The following SMAD4 variants were observed in gnomAD, a reference collection of about 807,000 sequenced individuals.
SMAD4 encodes the protein MAD homolog 4.
Under a neutral mutation model 63.2 loss-of-function variants are expected in SMAD4, and 7 were observed. The observed-to-expected ratio is 0.11, with a 90% CI of 0.06 to 0.21. The LOEUF is 0.21. Ranked by LOEUF, SMAD4 falls within the 10% of genes least tolerant of loss-of-function variation. The pLI, the probability that SMAD4 is intolerant of heterozygous loss-of-function variation, is 1.00. For synonymous variants in SMAD4, 215 were observed against 235.4 expected, an observed-to-expected ratio of 0.91 and a Z score of 0.79; for missense variants, 312 against 693.8, an observed-to-expected ratio of 0.45 and a Z score of 6.18.
At chr18:51,050,983 A>G (rs1474274026) in intron 4 of SMAD4, 1 of 151,044 alleles carries the variant, frequency 6.6e-6, no homozygotes, top group Non-Finnish European at 1.4e-5. Flanking sequence ...ATTGGTGAAA[A>G]CTCTGCTTCT....
At chr18:51,042,724 C>T (rs1417757436) in intron 1 of SMAD4, among the ~76,000 whole-genome samples, 1 of 151,322 alleles carries the variant, frequency 6.6e-6, no homozygotes, top group African/African-American at 2.4e-5. Flanking sequence ...ATTTTTGAGA[C>T]CAAATCTTAC....
chr18:51,066,802 C>T, intron 9 of SMAD4: 1 of 522,406 alleles, frequency 1.9e-6, no homozygotes, highest in South Asian at 2.2e-5. Context: ...ATACTACATG[C>T]TCCTGACACA....
At chr18:51,051,344 A>AGTTG in intron 4 of SMAD4, 1 of 456,124 alleles carries the variant, frequency 2.2e-6, no homozygotes, top group South Asian at 1.5e-5. Flanking sequence ...TCAGTGTCTT[A>AGTTG]TTTCCTCAGA....
chr18:51,069,806 G>GC (rs1910269343), intron 10 of SMAD4, among the ~76,000 whole-genome samples: 1 of 152,120 alleles, frequency 6.6e-6, no homozygotes, highest in African/African-American at 2.4e-5. Flanking sequence ...CCCACTTGTA[G>GC]CCCCCAGAGA....
At position 51,079,217 on chromosome 18, in the gene SMAD4, T is replaced by C; in HGVS notation, c.*750T>C. 1 of 233,038 alleles carries C rather than the reference T, an allele frequency of 4.3e-6. No individual in the cohort carries two copies. The highest frequency in any genetic ancestry group is 8.5e-6 in the Non-Finnish European group (1 of 117,892). 14.4% of individuals were successfully genotyped at this position (233,038 alleles called of 1,614,324 possible). On this transcript the variant is annotated 3_prime_UTR_variant, in exon 12 of 12. Transcript: ENST00000342988. The stretch of plus-strand genomic sequence containing the variant: ...TTGATGAAGTATACTTTTCCCCTGT[T>C]AAACAGTAGTTGTATTCTTCTGTAT...
intron 10 of SMAD4, among the ~76,000 whole-genome samples, chr18:51,075,168 G>C (rs1910441500): frequency 6.6e-6 from 1 of 152,208 alleles, no homozygotes; most frequent in African/African-American, 2.4e-5. Flanking sequence ...TGGACACTGA[G>C]TAGAGAAATA....
At chr18:51,041,191 A>G (rs1909368693) in intron 1 of SMAD4, among the ~76,000 whole-genome samples, 1 of 152,154 alleles carries the variant, frequency 6.6e-6, no homozygotes. Flanking sequence ...TTTCTAATAC[A>G]AATCTAATGC....
intron 8 of SMAD4, among the ~76,000 whole-genome samples, chr18:51,061,123 A>G (rs939218334): frequency 7.9e-5 from 12 of 152,286 alleles, no homozygotes; most frequent in Non-Finnish European, 1.5e-4. Context: ...TATGGGGCAC[A>G]TGAGATGTTT....
chr18:51,073,388 TACAC>T (rs201632233), intron 10 of SMAD4, among the ~76,000 whole-genome samples: 967 of 63,794 alleles, frequency 0.015, 6 homozygotes, highest in Non-Finnish European at 0.02. Context: ...TATATATATA[TACAC>T]ACACACACAC....
chr18:51,076,623 G>GT lies in SMAD4; in HGVS notation c.1309-9dup, dbSNP rs1910476736. The GT allele has an allele frequency of 6.2e-7, 1 of 1,609,670 alleles. No homozygotes were observed. The highest frequency in any genetic ancestry group is 1.7e-5 in the Admixed American group (1 of 59,592). ...TCTTTATGAACTCATAGTATGAAAT[G>GT]TTTTTTCTTAAAAGGTCTTTGATTT... is the stretch of plus-strand genomic sequence containing the variant. On this transcript the variant is annotated splice_polypyrimidine_tract_variant and intron_variant, in intron 10 of 11. Coordinates refer to ENST00000342988, the MANE Select transcript of SMAD4 (RefSeq NM_005359.6).
Position 51,081,476 on chromosome 18 carries a change from C to G in SMAD4, c.*3009C>G, listed in dbSNP as rs2085711351. On this transcript the variant is annotated 3_prime_UTR_variant, in exon 12 of 12. Transcript: ENST00000342988. The stretch of plus-strand genomic sequence containing the variant: ...TGACAATAAATCACTGCCATATAAC[C>G]TTGCTTTTTCCAGAAACATGGCTGT... 4.3e-6 allele frequency: 1 copy of G among 231,088 alleles called. No homozygotes were observed. Among genetic ancestry groups the G allele is most frequent in the Non-Finnish European group, 8.6e-6 (1 of 116,802 alleles). The allele number at this position is 231,088 out of a possible 1,614,324, so 14.3% of individuals were successfully genotyped here.
chr18:51,057,321 T>C (rs1211756057), intron 5 of SMAD4, among the ~76,000 whole-genome samples: 1 of 150,540 alleles, frequency 6.6e-6, no homozygotes, highest in Non-Finnish European at 1.5e-5. Flanking sequence ...ATTTCCACTT[T>C]AAAAAAAAAG....
intron 1 of SMAD4, among the ~76,000 whole-genome samples, chr18:51,042,849 A>G (rs143318826): frequency 1.0e-3 from 158 of 152,164 alleles, no homozygotes; most frequent in African/African-American, 3.4e-3. Flanking sequence ...TCTTAGTTCA[A>G]GTTGTTTAAG....
chr18:51,062,568 C>T (rs984846548), intron 8 of SMAD4, among the ~76,000 whole-genome samples: 3 of 151,096 alleles, frequency 2.0e-5, no homozygotes, highest in African/African-American at 4.9e-5. Flanking sequence ...TCATGCAATT[C>T]GGCTCACTGC....
intron 5 of SMAD4, 61 bp from the exon 6 acceptor site, chr18:51,058,064 A>G: frequency 6.3e-7 from 1 of 1,596,960 alleles, no homozygotes; most frequent in South Asian, 1.1e-5. Flanking sequence ...TTCATTTAGT[A>G]TATGAAATCA....
At chr18:51,074,621 T>C (rs79294993) in intron 10 of SMAD4, among the ~76,000 whole-genome samples, 1,749 of 152,318 alleles carry the variant, frequency 0.011, 19 homozygotes, top group Middle Eastern at 0.031. Context: ...CTCTGTACTT[T>C]CTGCTTAATT....
chr18:51,066,735 A>G, intron 9 of SMAD4: 1 of 319,806 alleles, frequency 3.1e-6, no homozygotes, highest in Non-Finnish European at 6.0e-6. Flanking sequence ...TAGTTTCTTT[A>G]TCTAAAAAAA....
rs1346458102 is a variant in SMAD4, at chr18:51,058,021, T to TTA, written c.668-101_668-100dup. ...GGTGAGTTACACTTTTTGCCCATCT[T>TTA]TATAGTTGTGCATTATCAGATAAAA... On this transcript the variant is annotated intron_variant, in intron 5 of 11. Transcript: ENST00000342988. 5 of 1,373,608 alleles carry TTA rather than the reference T, an allele frequency of 3.6e-6. No individual in the cohort carries two copies. The East Asian group carries it at 1.2e-4, about 32-fold the overall frequency. The allele number at this position is 1,373,608 out of a possible 1,614,324, so 85.1% of individuals were successfully genotyped here. A position where few individuals can be genotyped will look rare whatever the true frequency, so the allele number is the denominator to read the frequency against.
At chr18:51,056,868 A>C (rs936824547) in intron 5 of SMAD4, among the ~76,000 whole-genome samples, 3 of 152,156 alleles carry the variant, frequency 2.0e-5, no homozygotes, top group Non-Finnish European at 2.9e-5. Context: ...TTCCTTTTAA[A>C]TACCTGTAAA....
Sources: gnomAD v4.1 joint callset for allele counts (sites outside exome capture counted in the v4.1 genomes callset) on GRCh38, gnomAD v4.1.1 for gene constraint, MANE v1.5 for transcripts, NCBI Gene and HGNC (gene_info 2026-07-23, HGNC 2026-07-21) for gene names.